AMACR: variants seen among roughly 807,000 people sequenced by gnomAD.
AMACR encodes alpha-methylacyl-CoA racemase.
Under a neutral mutation model 22.2 loss-of-function variants are expected in AMACR, and 18 were observed. That is an observed-to-expected ratio of 0.81 (90% CI 0.56 to 1.20). The LOEUF (loss-of-function observed/expected upper bound fraction) is 1.20. Among genes scored for constraint, AMACR ranks in the 50% most tolerant of loss-of-function variants. The pLI is 0.00. For missense variants in AMACR, 499 were observed against 490.6 expected (o/e 1.02, Z -0.16); for synonymous variants, 213 against 191.3 (o/e 1.11, Z -0.94).
intron 4 of AMACR, chr5:33,997,657 CA>C (rs1178622513): frequency 5.8e-6 from 4 of 686,528 alleles, no homozygotes; most frequent in African/African-American, 3.6e-5. Flanking sequence ...GGAGCAGTGA[CA>C]AAAGGCAAGC....
chr5:34,007,227 T>C (rs1324361699), intron 1 of AMACR, among the ~76,000 whole-genome samples: 1 of 152,160 alleles, frequency 6.6e-6, no homozygotes, highest in Non-Finnish European at 1.5e-5. Flanking sequence ...CGTCTGCCGC[T>C]CTGAAAGGGG....
In AMACR at chr5:33,988,373, T is replaced by C; in HGVS notation, c.*720A>G. 1.9e-6 allele frequency: 3 copies of C among 1,539,106 alleles called. No homozygotes were observed. The highest frequency in any genetic ancestry group is 1.2e-5 in the South Asian group (1 of 84,128). ...AACTTGCTACCAGCCTGAGGAGAAA[T>C]CAAACACATGGAGAAAGGAAAGCTG... On this transcript the variant is annotated 3_prime_UTR_variant, in exon 5 of 5. Transcript: ENST00000335606.
chr5:33,989,140 T>C lies in AMACR; in HGVS notation c.1102A>G (p.Asn368Asp), dbSNP rs770367046. 1 of 1,614,198 alleles carries C rather than the reference T, an allele frequency of 6.2e-7. No homozygotes were observed. Among genetic ancestry groups the C allele is most frequent in the Non-Finnish European group, 8.5e-7 (1 of 1,180,006 alleles). The change falls in exon 5 of 5, where the codon AAC becomes GAC. Residue 368 changes from asparagine (N) to aspartate (D), a missense_variant. Transcript: ENST00000335606. The part of the protein sequence containing the change: ...GFSREEIYQL[N>D]SDKIIESNKV... ...TTACTTTCAATGATTTTATCTGAGT[T>C]AAGCTGATAAATCTCTTCGCGGCTG...
At position 33,988,187 on chromosome 5, in the gene AMACR, G is replaced by A. The variant is rs1753354477; in HGVS notation, c.*906C>T. On this transcript the variant is annotated 3_prime_UTR_variant, in exon 5 of 5. Coordinates refer to ENST00000335606, the MANE Select transcript of AMACR (RefSeq NM_014324.6). ...AGTTGAGTCCAGGGAAGCTCCAGGA[G>A]CAGGCTGGTTTTATGTAAAGACAAT... The A allele has an allele frequency of 1.2e-6, 1 of 854,438 alleles. No homozygotes were observed. Among genetic ancestry groups the A allele is most frequent in the East Asian group, 2.7e-5 (1 of 37,166 alleles). The allele number at this position is 854,438 out of a possible 1,614,324, so 52.9% of individuals were successfully genotyped here.
At chr5:34,002,204 C>T (rs1342732822) in intron 3 of AMACR, among the ~76,000 whole-genome samples, 5 of 152,074 alleles carry the variant, frequency 3.3e-5, no homozygotes, top group African/African-American at 7.2e-5. Flanking sequence ...ACCATGTTGG[C>T]CAGGCTGGTC....
chr5:34,003,436 A>G (rs2112067380), intron 3 of AMACR, among the ~76,000 whole-genome samples: 1 of 152,350 alleles, frequency 6.6e-6, no homozygotes, highest in Non-Finnish European at 1.5e-5. Context: ...TTGAATTCTC[A>G]TAGCAACTAA....
At chr5:33,993,099 T>G (rs166179) in intron 4 of AMACR, among the ~76,000 whole-genome samples, 2 of 152,004 alleles carry the variant, frequency 1.3e-5, no homozygotes, top group Admixed American at 6.6e-5. Context: ...CCCCACAGCC[T>G]CTGGCAAGCA....
Position 33,989,257 on chromosome 5 carries a change from G to A in AMACR, c.985C>T (p.Pro329Ser), listed in dbSNP as rs776398193. The change falls in exon 5 of 5, where the codon CCT (proline) becomes TCT (serine). Residue 329 changes from proline to serine, a missense_variant. Pro to Ser is a moderately conservative substitution (Grantham distance 74). Transcript: ENST00000335606. ...ATGGCTGGGGTGTTTAACAGCAGAG[G>A]TGCAGGGCGGGGGCTCACGTCCTGC... ...EEQDVSPRPA[P>S]LLLNTPAIPS... is the part of the protein sequence containing the mutation. 3.1e-6 allele frequency: 5 copies of A among 1,614,006 alleles called. No individual in the cohort carries two copies. The South Asian group carries it at 3.3e-5, about 11-fold the overall frequency.
chr5:33,997,612 G>A (rs1579577868), intron 4 of AMACR: 4 of 718,432 alleles, frequency 5.6e-6, no homozygotes, highest in East Asian at 4.9e-5. Context: ...AGCTCCACCA[G>A]AGCATCATGA....
intron 2 of AMACR, among the ~76,000 whole-genome samples, chr5:34,005,199 T>C (rs1488453009): frequency 2.0e-5 from 3 of 152,228 alleles, no homozygotes; most frequent in African/African-American, 7.2e-5. Flanking sequence ...ATCTGAAATG[T>C]CCTATAGTCA....
At chr5:34,000,306 G>C (rs1170687131) in intron 3 of AMACR, among the ~76,000 whole-genome samples, 1 of 152,210 alleles carries the variant, frequency 6.6e-6, no homozygotes, top group Non-Finnish European at 1.5e-5. Context: ...CTGGAAGCAA[G>C]CTTGTCATAC....
Position 33,986,825 on chromosome 5 carries a change from G to C in AMACR, c.*2268C>G, listed in dbSNP as rs1317671737. On this transcript the variant is annotated 3_prime_UTR_variant, in exon 5 of 5. Coordinates refer to ENST00000335606, the MANE Select transcript of AMACR (RefSeq NM_014324.6). ...CCCCTGCAACCATAGGAGTGGTCTT[G>C]GCTTCCTAGTTATGTTCCTATCAGG... The C allele has an allele frequency of 6.6e-6, 1 of 152,126 alleles. No individual in the cohort carries two copies. Among genetic ancestry groups the C allele is most frequent in the Non-Finnish European group, 1.5e-5 (1 of 68,030 alleles). The allele number at this position is 152,126 out of a possible 1,614,324, so 9.4% of individuals were successfully genotyped here. A position where few individuals can be genotyped will look rare whatever the true frequency, so the allele number is the denominator to read the frequency against.
intron 3 of AMACR, among the ~76,000 whole-genome samples, chr5:34,002,771 CTATGCCATG>C (rs1753856863): frequency 6.6e-6 from 1 of 152,180 alleles, no homozygotes; most frequent in Non-Finnish European, 1.5e-5. Context: ...CATGCAGCGA[CTATGCCATG>C]AGTACGCCAA....
chr5:33,991,651 T>C (rs1225081448), intron 4 of AMACR, among the ~76,000 whole-genome samples: 1 of 151,914 alleles, frequency 6.6e-6, no homozygotes, highest in Non-Finnish European at 1.5e-5. Flanking sequence ...TAATATTAAG[T>C]ATATAGTAAG....
At chr5:33,997,611 AGAGCATCAT>A in intron 4 of AMACR, 1 of 730,924 alleles carries the variant, frequency 1.4e-6, no homozygotes, top group South Asian at 1.5e-5. Context: ...GAGCTCCACC[AGAGCATCAT>A]GAGCAGCCAG....
chr5:34,002,825 G>A (rs1753859173), intron 3 of AMACR, among the ~76,000 whole-genome samples: 1 of 152,164 alleles, frequency 6.6e-6, no homozygotes, highest in Admixed American at 6.5e-5. Context: ...ACACTCCCCT[G>A]CTGCTGGTAC....
In AMACR at chr5:34,004,616, G is replaced by C; in HGVS notation, c.510C>G (p.Asp170Glu). 2 of 1,614,072 alleles carry C rather than the reference G, an allele frequency of 1.2e-6. No homozygotes were observed. Among genetic ancestry groups the C allele is most frequent in the Non-Finnish European group, 1.7e-6 (2 of 1,180,020 alleles). ...CCTGACCCTTGCCAGTGCGTGTGCG[G>C]TCAAAAAGAGCCATTATAATGCCCA... Reference protein sequence around the residue: ...CALGIIMALFDRTRTGKGQVI... With the variant: ...CALGIIMALFERTRTGKGQVI... Residue 170 changes from aspartate (D) to glutamate (E), a missense_variant, in exon 3 of 5, where the codon GAC becomes GAG. By Grantham distance (45) the Asp-to-Glu change is conservative (BLOSUM62 2). Transcript: ENST00000335606.
At chr5:33,997,460 C>A in intron 4 of AMACR, 1 of 779,118 alleles carries the variant, frequency 1.3e-6, no homozygotes, top group Non-Finnish European at 2.4e-6. Flanking sequence ...CGAGGGTTTG[C>A]CTTGCCTGGC....
At position 34,007,933 on chromosome 5, in the gene AMACR, C is replaced by A; in HGVS notation, c.87G>T (p.Ala29=). Residue 29 remains alanine, a synonymous_variant, in exon 1 of 5, where the codon GCG becomes GCT. Coordinates refer to ENST00000335606, the MANE Select transcript of AMACR (RefSeq NM_014324.6). ...CGGGCCGGTCCACGCGTACCACACG[C>A]GCCCCGAAGTCAGCCAGGACCATAG... The part of the protein sequence containing the change: ...FCAMVLADFG[A]RVVRVDRPGS... 1 of 1,610,326 alleles carries A rather than the reference C, an allele frequency of 6.2e-7. No homozygotes were observed.
Sources: allele counts gnomAD v4.1 joint callset (sites outside exome capture counted in the v4.1 genomes callset), GRCh38; gene constraint gnomAD v4.1.1; transcripts MANE v1.5; gene names NCBI Gene and HGNC (gene_info 2026-07-23, HGNC 2026-07-21).